Variants in ARHGEF1 observed in about 807,000 individuals in gnomAD.
The protein encoded by ARHGEF1 is 115 kDa guanine nucleotide exchange factor.
In ARHGEF1, 40 loss-of-function variants were observed where a neutral mutation model predicts 119.7. That is an observed-to-expected ratio of 0.33 (90% CI 0.26 to 0.44). The LOEUF is 0.44. Ranked by LOEUF, ARHGEF1 falls within the 20% of genes least tolerant of loss-of-function variation. The probability of loss-of-function intolerance (pLI) is 1.00; values close to 1 mark genes in which losing one functional copy is unlikely to be tolerated. For missense variants in ARHGEF1, 976 were observed against 1,268.3 expected (o/e 0.77, Z 3.50); for synonymous variants, 494 against 521.0 (o/e 0.95, Z 0.71).
chr19:41,891,985 G>A, intron 4 of ARHGEF1, 40 bp from the exon 5 acceptor site: 1 of 1,535,434 alleles, frequency 6.5e-7, no homozygotes, highest in Non-Finnish European at 8.9e-7. Flanking sequence ...GTTTGAGGCA[G>A]GGTGAGGGAG....
intron 1 of ARHGEF1, among the ~76,000 whole-genome samples, chr19:41,926,299 G>A (rs2074870156): frequency 6.6e-6 from 1 of 152,002 alleles, no homozygotes; most frequent in Admixed American, 6.5e-5. Flanking sequence ...AGAGGAAATA[G>A]GTGTTACCTC....
In ARHGEF1 at chr19:41,905,381, G is replaced by A. The variant is rs186174449; in HGVS notation, c.2336+120G>A. 3.4e-3 allele frequency: 2,953 copies of A among 858,714 alleles called. 147 individuals are homozygous for A. The Admixed American group carries it at 0.072, about 21-fold the overall frequency. The allele number at this position is 858,714 out of a possible 1,614,324, so 53.2% of individuals were successfully genotyped here. A position where few individuals can be genotyped will look rare whatever the true frequency, so the allele number is the denominator to read the frequency against. On this transcript the variant is annotated intron_variant, in intron 24 of 28. Transcript: ENST00000354532. This position sits in a 1 kb window ranked among gnomAD's most constrained non-coding sequence, Gnocchi z 6.4. ...AGCATGCACATGTGTGAATGCATGT[G>A]TGTGCATACATGTGTGTCTGTACGC...
intron 18 of ARHGEF1, chr19:41,912,847 A>G (rs2074761835): frequency 8.3e-7 from 1 of 1,198,090 alleles, no homozygotes. Context: ...GGTCCGGGCC[A>G]GTTACCGGGG....
At chr19:41,897,576 C>T (rs1469556373) in intron 13 of ARHGEF1, 1 of 209,742 alleles carries the variant, frequency 4.8e-6, no homozygotes, top group South Asian at 7.0e-5. Context: ...CCCATCCCTT[C>T]CCCCATCAAA....
upstream of ARHGEF1, among the ~76,000 whole-genome samples, chr19:41,919,464 G>A (rs2074824490): frequency 6.6e-6 from 1 of 151,588 alleles, no homozygotes; most frequent in Non-Finnish European, 1.5e-5. Flanking sequence ...ACTCAAGCTG[G>A]TACATTCAGC....
In ARHGEF1 at chr19:41,893,265, C is replaced by G; in HGVS notation, c.615-9C>G. ...AAATATGTCACAAACATCTCTCTTC[C>G]TCCTACAGACATACCATCTCTACCG... is the stretch of plus-strand genomic sequence containing the variant. On this transcript the variant is annotated splice_polypyrimidine_tract_variant and intron_variant, in intron 7 of 28. Transcript: ENST00000354532. 1 of 1,612,228 alleles carries G rather than the reference C, an allele frequency of 6.2e-7. No homozygotes were observed. Among genetic ancestry groups the G allele is most frequent in the Non-Finnish European group, 8.5e-7 (1 of 1,179,292 alleles).
intron 1 of ARHGEF1, among the ~76,000 whole-genome samples, chr19:41,926,717 G>T (rs369473027): frequency 2.4e-4 from 37 of 152,260 alleles, no homozygotes; most frequent in African/African-American, 7.7e-4. Context: ...CGGCCGGGAG[G>T]GGGGAGCGGG....
chr19:41,888,910 C>A lies in ARHGEF1; in HGVS notation c.225+45C>A. On this transcript the variant is annotated intron_variant, in intron 4 of 28. Transcript: ENST00000354532. This position sits in a 1 kb window ranked among gnomAD's most constrained non-coding sequence, Gnocchi z 5.1. ...GGCACAGGGAGGGGTGGGGCTGGGA[C>A]AGGCACAGCTTTTAGCGAATTAAAC... 6.5e-7 allele frequency: 1 copy of A among 1,531,798 alleles called. No individual in the cohort carries two copies. The highest frequency in any genetic ancestry group is 9.0e-7 in the Non-Finnish European group (1 of 1,116,546). 94.9% of individuals were successfully genotyped at this position (1,531,798 alleles called of 1,614,324 possible).
chr19:41,898,081 C>T (rs2074541903), intron 13 of ARHGEF1: 7 of 1,360,562 alleles, frequency 5.1e-6, no homozygotes, highest in Non-Finnish European at 6.6e-6. Context: ...CCAGTTCCGC[C>T]ACGGCAGTGC....
intron 18 of ARHGEF1, among the ~76,000 whole-genome samples, chr19:41,913,344 G>A: frequency 6.8e-6 from 1 of 147,386 alleles, no homozygotes; most frequent in Non-Finnish European, 1.5e-5. Flanking sequence ...TGACCTCCCG[G>A]GTCGGTCGGT....
chr19:41,894,446 C>A lies in ARHGEF1; in HGVS notation c.745-5C>A. 6.4e-7 allele frequency: 1 copy of A among 1,552,394 alleles called. No individual in the cohort carries two copies. The highest frequency in any genetic ancestry group is 8.7e-7 in the Non-Finnish European group (1 of 1,147,390). On this transcript the variant is annotated splice_region_variant and splice_polypyrimidine_tract_variant and intron_variant, in intron 9 of 28. Coordinates refer to ENST00000354532, the MANE Select transcript of ARHGEF1 (RefSeq NM_004706.4). The stretch of plus-strand genomic sequence containing the variant: ...AGCCTGGTCTTCCTCCCCGCCCTCT[C>A]ACAGGTGATGGGGAACCGGCGGTCG...
In ARHGEF1 at chr19:41,903,006, C is replaced by A; in HGVS notation, c.1738+108C>A. 1.1e-6 allele frequency: 1 copy of A among 948,958 alleles called. No individual in the cohort carries two copies. Among genetic ancestry groups the A allele is most frequent in the South Asian group, 1.8e-5 (1 of 56,386 alleles). The allele number at this position is 948,958 out of a possible 1,614,324, so 58.8% of individuals were successfully genotyped here. The stretch of plus-strand genomic sequence containing the variant: ...CCATCACAGCTCACTGCAGCCTCAA[C>A]CTCCCAGGATCTACCATCCTCCCAC... On this transcript the variant is annotated intron_variant, in intron 18 of 28. Coordinates refer to ENST00000354532, the MANE Select transcript of ARHGEF1 (RefSeq NM_004706.4). This position sits in a 1 kb window ranked among gnomAD's most constrained non-coding sequence, Gnocchi z 4.2.
rs782507311 is a variant in ARHGEF1 at position 41,896,387 on chromosome 19, C to A, written c.1026C>A (p.Ala342=). 29 of 1,433,756 alleles carry A rather than the reference C, an allele frequency of 2.0e-5. No individual in the cohort carries two copies. Among genetic ancestry groups the A allele is most frequent in the Non-Finnish European group, 2.7e-5 (29 of 1,091,684 alleles). 88.8% of individuals were successfully genotyped at this position (1,433,756 alleles called of 1,614,324 possible). The change falls in exon 13 of 29, where the codon GCC becomes GCA. Residue 342 remains alanine, a synonymous_variant. Coordinates refer to ENST00000354532, the MANE Select transcript of ARHGEF1 (RefSeq NM_004706.4). The part of the protein sequence containing the change: ...DSPDREPGAD[A]PLELGDSSPQ... ...CCCTCCACCCCACAGGTGCTGACGC[C>A]CCCCTGGAGCTGGGGGACTCATCCC...
At position 41,888,338 on chromosome 19, in the gene ARHGEF1, C is replaced by T; in HGVS notation, c.111+60C>T. 1 of 1,526,752 alleles carries T rather than the reference C, an allele frequency of 6.5e-7. No homozygotes were observed. The highest frequency in any genetic ancestry group is 1.1e-5 in the South Asian group (1 of 88,888). The allele number at this position is 1,526,752 out of a possible 1,614,324, so 94.6% of individuals were successfully genotyped here. A position where few individuals can be genotyped will look rare whatever the true frequency, so the allele number is the denominator to read the frequency against. On this transcript the variant is annotated intron_variant, in intron 3 of 28. Coordinates refer to ENST00000354532, the MANE Select transcript of ARHGEF1 (RefSeq NM_004706.4). The surrounding 1 kb of genome is among the most constrained non-coding windows in gnomAD (Gnocchi z 5.1). The stretch of plus-strand genomic sequence containing the variant: ...AGGCTCAGTGTCCCGCCCCAGGTCC[C>T]CTCCCACCTGCAGATGCTGTCTTCT...
Position 41,888,334 on chromosome 19 carries a change from G to T in ARHGEF1, c.111+56G>T. 1 of 1,556,802 alleles carries T rather than the reference G, an allele frequency of 6.4e-7. No individual in the cohort carries two copies. On this transcript the variant is annotated intron_variant, in intron 3 of 28. Coordinates refer to ENST00000354532, the MANE Select transcript of ARHGEF1 (RefSeq NM_004706.4). This position sits in a 1 kb window ranked among gnomAD's most constrained non-coding sequence, Gnocchi z 5.1. ...TCCCAGGCTCAGTGTCCCGCCCCAG[G>T]TCCCCTCCCACCTGCAGATGCTGTC...
At chr19:41,890,645 T>G (rs1259353964) in intron 4 of ARHGEF1, 1 of 151,302 alleles carries the variant, frequency 6.6e-6, no homozygotes, top group Non-Finnish European at 1.5e-5. Flanking sequence ...CCAGGCACAG[T>G]GGTACACACC....
Position 41,914,671 on chromosome 19 carries a change from TC to T in ARHGEF1, c.1865+7872del, listed in dbSNP as rs1555851626. ...CCTTTCCACCATCTCTGTCTCTCCC[TC>T]CCCTTCCACCATCTCTGTCTCTCCC... On this transcript the variant is annotated intron_variant, in intron 18 of 20. Coordinates refer to the ARHGEF1 transcript ENST00000599589. 8.3e-4 allele frequency among the ~76,000 whole-genome samples: 27 copies of T among 32,416 alleles called. 4 individuals are homozygous for T. The highest frequency in any genetic ancestry group is 1.2e-3 in the Non-Finnish European group (24 of 20,542). The allele number at this position is 32,416 out of a possible 152,430, so 21.3% of individuals were successfully genotyped here. A position where few individuals can be genotyped will look rare whatever the true frequency, so the allele number is the denominator to read the frequency against.
intron 1 of ARHGEF1, among the ~76,000 whole-genome samples, chr19:41,886,876 C>T (rs2074301289): frequency 6.6e-6 from 1 of 152,196 alleles, no homozygotes; most frequent in Non-Finnish European, 1.5e-5. Flanking sequence ...TGGTCCACCC[C>T]ACCCCTCTTT....
In ARHGEF1 at chr19:41,888,940, G is replaced by A. The variant is rs782046327; in HGVS notation, c.225+75G>A. ...ACAGCTTTTAGCGAATTAAACCAGC[G>A]AGCTAGTGCCTGGAGGGTCTGGAAA... On this transcript the variant is annotated intron_variant, in intron 4 of 28. Coordinates refer to ENST00000354532, the MANE Select transcript of ARHGEF1 (RefSeq NM_004706.4). The surrounding 1 kb of genome is among the most constrained non-coding windows in gnomAD (Gnocchi z 5.1). 111 of 1,270,024 alleles carry A rather than the reference G, an allele frequency of 8.7e-5. No individual in the cohort carries two copies. The highest frequency in any genetic ancestry group is 9.9e-5 in the Non-Finnish European group (90 of 905,208). 78.7% of individuals were successfully genotyped at this position (1,270,024 alleles called of 1,614,324 possible).
Sources: gnomAD v4.1 joint callset for allele counts (sites outside exome capture counted in the v4.1 genomes callset) on GRCh38, gnomAD v4.1.1 for gene constraint, Gnocchi (gnomAD v3.1) non-coding constraint, MANE v1.5 for transcripts, NCBI Gene and HGNC (gene_info 2026-07-23, HGNC 2026-07-21) for gene names.